Variants in PRELID2 observed in about 807,000 individuals in gnomAD.
PRELID2 encodes the protein PRELI domain-containing protein 2.
A neutral mutation model predicts 28.4 loss-of-function variants in PRELID2; 25 were observed. The observed-to-expected ratio is 0.88, with a 90% confidence interval of 0.64 to 1.23. PRELID2 has a LOEUF of 1.23. PRELID2 is among the 50% of genes most tolerant of loss of function. PRELID2 has a pLI of 0.00. For missense variants in PRELID2, 201 were observed against 214.4 expected (o/e 0.94, Z 0.39); for synonymous variants, 76 against 71.6 (o/e 1.06, Z -0.31).
intron 1 of PRELID2, among the ~76,000 whole-genome samples, chr5:145,742,213 T>C (rs1756844013): frequency 1.4e-5 from 2 of 139,890 alleles, no homozygotes; most frequent in South Asian, 4.3e-4. Context: ...TAAATATACA[T>C]TTTTATTTAT....
the PRELID2 span, among the ~76,000 whole-genome samples, chr5:145,348,201 A>C: frequency 6.6e-6 from 1 of 152,276 alleles, no homozygotes; most frequent in Admixed American, 6.5e-5. Context: ...TGTGGCTGAA[A>C]TCTTCACATC....
At chr5:145,370,301 T>C in the PRELID2 span, among the ~76,000 whole-genome samples, 2 of 152,094 alleles carry the variant, frequency 1.3e-5, no homozygotes, top group East Asian at 1.9e-4. Flanking sequence ...TTGCATAGGG[T>C]CTAAGGAAGG....
At chr5:145,360,889 T>C in the PRELID2 span, among the ~76,000 whole-genome samples, 1 of 152,194 alleles carries the variant, frequency 6.6e-6, no homozygotes, top group Admixed American at 6.6e-5. Flanking sequence ...ATGATATCCT[T>C]ATTGCATATA....
intron 1 of PRELID2, among the ~76,000 whole-genome samples, chr5:145,647,733 G>A (rs1754222477): frequency 6.6e-6 from 1 of 152,182 alleles, no homozygotes; most frequent in Admixed American, 6.5e-5. Context: ...GCAGTATCTG[G>A]GCCAGAGTGC....
chr5:145,629,563 A>T (rs1013690826), intron 1 of PRELID2, among the ~76,000 whole-genome samples: 1 of 152,176 alleles, frequency 6.6e-6, no homozygotes, highest in Non-Finnish European at 1.5e-5. Flanking sequence ...CACAATGATG[A>T]TAATAACAAT....
At chr5:145,832,269 T>G (rs1254211975) in intron 1 of PRELID2, among the ~76,000 whole-genome samples, 1 of 152,130 alleles carries the variant, frequency 6.6e-6, no homozygotes, top group Non-Finnish European at 1.5e-5. Flanking sequence ...CACTGCAACC[T>G]CCATCTCTTG....
At chr5:145,658,208 C>CA (rs1485537096) in intron 1 of PRELID2, among the ~76,000 whole-genome samples, 14 of 152,084 alleles carry the variant, frequency 9.2e-5, no homozygotes, top group South Asian at 2.1e-4. Context: ...GGACTATGAA[C>CA]AAAAAAATGT....
the PRELID2 span, among the ~76,000 whole-genome samples, chr5:145,455,123 A>C: frequency 1.3e-5 from 2 of 152,140 alleles, no homozygotes; most frequent in Admixed American, 6.6e-5. Flanking sequence ...TCTTATGTTT[A>C]AGTCTAATCC....
intron 1 of PRELID2, among the ~76,000 whole-genome samples, chr5:145,683,240 G>T (rs752689700): frequency 6.6e-6 from 1 of 152,084 alleles, no homozygotes; most frequent in Non-Finnish European, 1.5e-5. Flanking sequence ...TCTCCCATTT[G>T]CAAAATAAGG....
chr5:145,471,522 C>A (rs1344757201), downstream of PRELID2, among the ~76,000 whole-genome samples: 1 of 152,070 alleles, frequency 6.6e-6, no homozygotes, highest in Non-Finnish European at 1.5e-5. Context: ...GTTGTCATAA[C>A]TACTATTCTA....
At chr5:145,399,400 T>A in the PRELID2 span, among the ~76,000 whole-genome samples, 1 of 152,114 alleles carries the variant, frequency 6.6e-6, no homozygotes, top group African/African-American at 2.4e-5. Flanking sequence ...AAAGGTTCAT[T>A]TCTATATCCT....
At chr5:145,746,662 TCAG>T (rs2149746926) in intron 1 of PRELID2, among the ~76,000 whole-genome samples, 1 of 152,310 alleles carries the variant, frequency 6.6e-6, no homozygotes, top group Admixed American at 6.5e-5. Flanking sequence ...GGACTTGAAC[TCAG>T]CTCTGAATCA....
At chr5:145,537,634 T>A (rs2126668172) in intron 1 of PRELID2, among the ~76,000 whole-genome samples, 1 of 152,042 alleles carries the variant, frequency 6.6e-6, no homozygotes, top group South Asian at 2.1e-4. Flanking sequence ...GGAAATTCTA[T>A]TAAAATCTTT....
chr5:145,717,520 G>T lies in PRELID2; in HGVS notation n.70+47411C>A, dbSNP rs879283773. Among the ~76,000 whole-genome samples, 4 of 151,892 alleles carry T rather than the reference G, an allele frequency of 2.6e-5. No homozygotes were observed. The East Asian group carries it at 7.7e-4, about 29-fold the overall frequency. On this transcript the variant is annotated intron_variant and non_coding_transcript_variant, in intron 1 of 2. Coordinates refer to the PRELID2 transcript ENST00000510259. ...TTTGAGTAAAGAAAGAGGATAAAAC[G>T]ATGCACAGAAAATTGGTAGTGGTAG... is the stretch of plus-strand genomic sequence containing the variant.
chr5:145,277,895 A>G, the PRELID2 span, among the ~76,000 whole-genome samples: 1 of 152,126 alleles, frequency 6.6e-6, no homozygotes, highest in East Asian at 1.9e-4. Context: ...GTGGCCTTCT[A>G]TTCTCACACT....
the PRELID2 span, among the ~76,000 whole-genome samples, chr5:145,287,083 A>T: frequency 6.6e-6 from 1 of 152,170 alleles, no homozygotes; most frequent in Non-Finnish European, 1.5e-5. Context: ...TTTTTTAAAC[A>T]CATTTTACTT....
At chr5:145,328,763 G>T in the PRELID2 span, among the ~76,000 whole-genome samples, 1 of 152,028 alleles carries the variant, frequency 6.6e-6, no homozygotes, top group Non-Finnish European at 1.5e-5. Flanking sequence ...TTTCTATGCA[G>T]AAGCTCTTTA....
the PRELID2 span, among the ~76,000 whole-genome samples, chr5:145,444,144 A>G: frequency 1.3e-5 from 2 of 152,036 alleles, no homozygotes; most frequent in African/African-American, 2.4e-5. Flanking sequence ...TGTGTAATAA[A>G]TTTGACATTT....
intron 1 of PRELID2, among the ~76,000 whole-genome samples, chr5:145,667,911 C>G (rs1038031778): frequency 6.6e-6 from 1 of 152,176 alleles, no homozygotes; most frequent in African/African-American, 2.4e-5. Context: ...CAAAAGAAAG[C>G]ACAATTCTAG....
Sources: allele counts gnomAD v4.1 joint callset (sites outside exome capture counted in the v4.1 genomes callset), GRCh38; gene constraint gnomAD v4.1.1; transcripts MANE v1.5; gene names NCBI Gene and HGNC (gene_info 2026-07-23, HGNC 2026-07-21).